P3H4: variants seen among roughly 807,000 people sequenced by gnomAD.
P3H4 encodes endoplasmic reticulum protein SC65.
In P3H4, 47 loss-of-function variants were observed where a neutral mutation model predicts 52.9. The observed-to-expected ratio is 0.89, with a 90% CI of 0.70 to 1.13. P3H4 has a LOEUF of 1.13. Ranked by LOEUF, P3H4 falls within the 50% of genes most tolerant of loss-of-function variation. P3H4 has a pLI of 0.00. For missense variants in P3H4, 585 were observed against 611.0 expected (o/e 0.96, Z 0.45); for synonymous variants, 256 against 267.9 (o/e 0.96, Z 0.44).
chr17:41,806,218 CAAAA>C (rs112940373), intron 6 of P3H4, among the ~76,000 whole-genome samples: 28 of 140,158 alleles, frequency 2.0e-4, no homozygotes, highest in African/African-American at 6.0e-4. Flanking sequence ...GACTCCATCT[CAAAA>C]AAAAAAAATA....
chr17:41,808,493 T>C (rs1447351594), intron 4 of P3H4, among the ~76,000 whole-genome samples: 2 of 152,020 alleles, frequency 1.3e-5, no homozygotes, highest in Non-Finnish European at 2.9e-5. Context: ...GCTCAAGCAA[T>C]CCTCCCACCT....
chr17:41,809,692 C>T lies in P3H4; in HGVS notation c.916+14G>A, dbSNP rs782295459. On this transcript the variant is annotated intron_variant, in intron 4 of 7. Coordinates refer to ENST00000393928, the MANE Select transcript of P3H4 (RefSeq NM_006455.3). The stretch of plus-strand genomic sequence containing the variant: ...CTCGTCCCCTGCCCAAGCCAGCCCA[C>T]CCAGGGGGCTCACACTTATAGTAGG... 1 of 1,611,338 alleles carries T rather than the reference C, an allele frequency of 6.2e-7. No individual in the cohort carries two copies. The highest frequency in any genetic ancestry group is 8.5e-7 in the Non-Finnish European group (1 of 1,178,850).
intron 4 of P3H4, 41 bp from the exon 5 acceptor site, chr17:41,808,045 C>T: frequency 6.3e-7 from 1 of 1,588,446 alleles, no homozygotes; most frequent in Non-Finnish European, 8.6e-7. Context: ...TGGCACTTCC[C>T]CTTCAGAGTC....
In P3H4 at chr17:41,807,870, G is replaced by A; in HGVS notation, c.1051C>T (p.Gln351Ter). 14 of 1,613,232 alleles carry A rather than the reference G, an allele frequency of 8.7e-6. No individual in the cohort carries two copies. Among genetic ancestry groups the A allele is most frequent in the Non-Finnish European group, 1.2e-5 (14 of 1,179,564 alleles). ...ARWGLEEEDF[Q>*]PREEAMLYHN... ...AAAGCAGTGCCCACCTCCCGGGGCT[G>A]GAAGTCCTCCTCTTCCAGGCCCCAG... is the stretch of plus-strand genomic sequence containing the variant. Residue 351 changes from glutamine to a stop codon, truncating the protein, a stop_gained, in exon 5 of 8, where the codon CAG (glutamine) becomes TAG (stop). Transcript: ENST00000393928. LOFTEE classifies it high-confidence loss of function.
Position 41,810,729 on chromosome 17 carries a change from T to C in P3H4, c.787+134A>G, listed in dbSNP as rs1555614861. 5 of 1,163,544 alleles carry C rather than the reference T, an allele frequency of 4.3e-6. No homozygotes were observed. The African/African-American group carries it at 6.2e-5, about 14-fold the overall frequency. The allele number at this position is 1,163,544 out of a possible 1,614,324, so 72.1% of individuals were successfully genotyped here. A position where few individuals can be genotyped will look rare whatever the true frequency, so the allele number is the denominator to read the frequency against. On this transcript the variant is annotated intron_variant, in intron 3 of 7. Transcript: ENST00000393928. ...AGCTGGGGCCCCTGCACCCAGCGTC[T>C]TTCTCAACAGACAAGGCCTTCCTCC...
At chr17:41,804,831 G>A (rs1385616118) in intron 6 of P3H4, among the ~76,000 whole-genome samples, 1 of 151,972 alleles carries the variant, frequency 6.6e-6, no homozygotes, top group African/African-American at 2.4e-5. Flanking sequence ...AAAATTGGCT[G>A]GACATGGTGG....
chr17:41,806,134 G>A (rs1317702990), intron 6 of P3H4, among the ~76,000 whole-genome samples: 5 of 151,952 alleles, frequency 3.3e-5, no homozygotes, highest in African/African-American at 4.8e-5. Context: ...CAGGAGCATC[G>A]TGTGAACCCG....
At chr17:41,810,004 T>A (rs1555614737) in intron 3 of P3H4, among the ~76,000 whole-genome samples, 170 bp from the exon 4 acceptor site, 1 of 151,878 alleles carries the variant, frequency 6.6e-6, no homozygotes, top group African/African-American at 2.4e-5. Flanking sequence ...CTTGGCATAC[T>A]ATATGACAAG....
At position 41,811,296 on chromosome 17, in the gene P3H4, G is replaced by C. The variant is rs781800572; in HGVS notation, c.463-12C>G. 3 of 1,611,990 alleles carry C rather than the reference G, an allele frequency of 1.9e-6. No homozygotes were observed. The highest frequency in any genetic ancestry group is 3.3e-5 in the Admixed American group (2 of 60,028). On this transcript the variant is annotated splice_polypyrimidine_tract_variant and intron_variant, in intron 1 of 7. Transcript: ENST00000393928. The surrounding 1 kb of genome is among the most constrained non-coding windows in gnomAD (Gnocchi z 4.8). The stretch of plus-strand genomic sequence containing the variant: ...TCCAGCCGGTTAGCCTGGTCGGGGG[G>C]TAGGGGGTGGGGGAGCGGGTCAGCA...
Position 41,811,491 on chromosome 17 carries a change from C to A in P3H4, c.425G>T (p.Arg142Leu). ...PRQLLRDFQSRLPYQYLHYAL... is the reference protein window; with the variant it reads ...PRQLLRDFQSLLPYQYLHYAL... The stretch of plus-strand genomic sequence containing the variant: ...GTAGTGCAGGTACTGGTAGGGCAGG[C>A]GGCTCTGGAAGTCACGCAGCAGCTG... Residue 142 changes from arginine (R) to leucine (L), a missense_variant, in exon 1 of 8, where the codon CGC becomes CTC. Physicochemically the swap from Arg to Leu is moderately radical, Grantham distance 102. Transcript: ENST00000393928. This position sits in a 1 kb window ranked among gnomAD's most constrained non-coding sequence, Gnocchi z 4.8. 1 of 1,612,034 alleles carries A rather than the reference C, an allele frequency of 6.2e-7. No individual in the cohort carries two copies. Among genetic ancestry groups the A allele is most frequent in the Middle Eastern group, 1.7e-4 (1 of 6,060 alleles).
At chr17:41,807,688 C>T (rs2047687700) in intron 5 of P3H4, among the ~76,000 whole-genome samples, 171 bp downstream of exon 5, 2 of 152,050 alleles carry the variant, frequency 1.3e-5, no homozygotes, top group South Asian at 2.1e-4. Flanking sequence ...TCAGTAGAGA[C>T]GGGGTTTCAC....
intron 7 of P3H4, 123 bp downstream of exon 7, chr17:41,803,164 C>T (rs1445200070): frequency 2.7e-6 from 4 of 1,474,612 alleles, no homozygotes; most frequent in Non-Finnish European, 3.6e-6. Context: ...GCTGGAGGCC[C>T]CTGGAGGATG....
At position 41,811,763 on chromosome 17, in the gene P3H4, GCT is replaced by G. The variant is rs1567851111; in HGVS notation, c.151_152del (p.Ser51LeufsTer87). The G allele has an allele frequency of 6.6e-7, 1 of 1,525,534 alleles. No homozygotes were observed. Among genetic ancestry groups the G allele is most frequent in the Admixed American group, 2.1e-5 (1 of 48,748 alleles). The allele number at this position is 1,525,534 out of a possible 1,614,324, so 94.5% of individuals were successfully genotyped here. On this transcript the variant is annotated frameshift_variant, in exon 1 of 8. Coordinates refer to ENST00000393928, the MANE Select transcript of P3H4 (RefSeq NM_006455.3). LOFTEE classifies it high-confidence loss of function. The surrounding 1 kb of genome is among the most constrained non-coding windows in gnomAD (Gnocchi z 4.8). ...CCAGGTAGCGCGCGCTCTCGCGCCA[GCT>G]CTCTCCCTCGTACTGCTCCAGAGCG... ...GHALEQYEGE[S>X]WRESARYLEA...
At position 41,803,277 on chromosome 17, in the gene P3H4, T is replaced by C. The variant is rs1359155192; in HGVS notation, c.1291+10A>G. 22 of 1,611,518 alleles carry C rather than the reference T, an allele frequency of 1.4e-5. No homozygotes were observed. The highest frequency in any genetic ancestry group is 1.9e-5 in the Non-Finnish European group (22 of 1,178,850). On this transcript the variant is annotated intron_variant, in intron 7 of 7. Coordinates refer to ENST00000393928, the MANE Select transcript of P3H4 (RefSeq NM_006455.3). Reference sequence around the variant, plus strand: ...TGCATCCCCACCCCCCAAGGACTCGTGTCACTGACCAGCCTCGGCCTCGTC... The same window carrying C: ...TGCATCCCCACCCCCCAAGGACTCGCGTCACTGACCAGCCTCGGCCTCGTC...
At chr17:41,806,947 C>A (rs2144020134) in intron 5 of P3H4, 68 bp from the exon 6 acceptor site, 1 of 1,246,098 alleles carries the variant, frequency 8.0e-7, no homozygotes, top group East Asian at 2.4e-5. Flanking sequence ...GAAGCCAGGG[C>A]TCCTAGGATC....
Position 41,803,368 on chromosome 17 carries a change from C to G in P3H4, c.1210G>C (p.Glu404Gln). The G allele has an allele frequency of 6.2e-7, 1 of 1,614,122 alleles. No individual in the cohort carries two copies. The highest frequency in any genetic ancestry group is 8.5e-7 in the Non-Finnish European group (1 of 1,179,990). The change falls in exon 7 of 8, where the codon GAG (glutamate) becomes CAG (glutamine). Residue 404 changes from glutamate (E) to glutamine (Q), a missense_variant. Physicochemically the swap from Glu to Gln is conservative, Grantham distance 29 (BLOSUM62 2). Transcript: ENST00000393928. ...PEDALSDAEF[E>Q]GEGDYEEGMY... ...CCCTCCTCGTAGTCACCCTCCCCCT[C>G]AAACTCGGCGTCAGATAGGGCATCC... is the stretch of plus-strand genomic sequence containing the variant.
intron 6 of P3H4, among the ~76,000 whole-genome samples, chr17:41,804,842 C>CAA (rs2047656652): frequency 6.6e-6 from 1 of 151,526 alleles, no homozygotes; most frequent in Non-Finnish European, 1.5e-5. Flanking sequence ...GACATGGTGG[C>CAA]GCATGACTGT....
intron 6 of P3H4, 64 bp from the exon 7 acceptor site, chr17:41,803,495 C>T: frequency 6.9e-7 from 1 of 1,446,686 alleles, no homozygotes; most frequent in Non-Finnish European, 9.5e-7. Flanking sequence ...ATATGGGCTC[C>T]CTTCCTGGCC....
intron 6 of P3H4, among the ~76,000 whole-genome samples, chr17:41,804,126 C>G (rs1035999888): frequency 7.2e-5 from 11 of 151,922 alleles, no homozygotes; most frequent in Admixed American, 3.9e-4. Context: ...TAATTTTTTG[C>G]ATTTTTAGTA....
Sources: gnomAD v4.1 joint callset for allele counts (sites outside exome capture counted in the v4.1 genomes callset) on GRCh38, gnomAD v4.1.1 for gene constraint, Gnocchi (gnomAD v3.1) non-coding constraint, MANE v1.5 for transcripts, NCBI Gene and HGNC (gene_info 2026-07-23, HGNC 2026-07-21) for gene names.